The following BTF3L4 variants were observed in gnomAD, a reference collection of about 807,000 sequenced individuals.
BTF3L4 encodes transcription factor BTF3 homolog 4.
BTF3L4 carries 6 observed loss-of-function variants against 16.8 expected under a neutral mutation model. That is an observed-to-expected ratio of 0.36 (90% confidence interval 0.20 to 0.71). BTF3L4 has a LOEUF of 0.71. Among genes scored for constraint, BTF3L4 ranks in the 30% least tolerant of loss-of-function variants. The pLI is 0.58. For missense variants in BTF3L4, 92 were observed against 186.9 expected (o/e 0.49, Z 2.96); for synonymous variants, 39 against 59.8 (o/e 0.65, Z 1.60).
intron 2 of BTF3L4, among the ~76,000 whole-genome samples, chr1:52,064,473 A>T (rs1223553238): frequency 6.6e-6 from 1 of 152,232 alleles, no homozygotes; most frequent in East Asian, 1.9e-4. Flanking sequence ...TTACTATAAG[A>T]AAAGATAATG....
intron 3 of BTF3L4, among the ~76,000 whole-genome samples, chr1:52,066,153 G>T (rs556835794): frequency 6.6e-6 from 1 of 152,126 alleles, no homozygotes; most frequent in Admixed American, 6.5e-5. Flanking sequence ...ACAACTACTT[G>T]TGATGTTACC....
In BTF3L4 at chr1:52,088,385, A is replaced by G. The variant is rs980459554; in HGVS notation, c.*1627A>G. 4.6e-5 allele frequency: 7 copies of G among 152,632 alleles called. No individual in the cohort carries two copies. The highest frequency in any genetic ancestry group is 1.7e-4 in the African/African-American group (7 of 41,442). The allele number at this position is 152,632 out of a possible 1,614,324, so 9.5% of individuals were successfully genotyped here. ...CTAAACAAAATAAAATAACAGTGCA[A>G]AAGAGGAGAATATTTCCTCTTGTGC... On this transcript the variant is annotated 3_prime_UTR_variant, in exon 6 of 6. Transcript: ENST00000313334.
Position 52,061,487 on chromosome 1 carries a change from C to CAA in BTF3L4, c.54+1604_54+1605dup, listed in dbSNP as rs1169709967. Among the ~76,000 whole-genome samples, 142 of 48,110 alleles carry CAA rather than the reference C, an allele frequency of 3.0e-3. 2 individuals carry two copies. Among genetic ancestry groups the CAA allele is most frequent in the African/African-American group, 6.8e-3 (98 of 14,412 alleles). The allele number at this position is 48,110 out of a possible 152,430, so 31.6% of individuals were successfully genotyped here. A position where few individuals can be genotyped will look rare whatever the true frequency, so the allele number is the denominator to read the frequency against. Reference sequence around the variant, plus strand: ...TGGGCAACAGAGCAAGACTCCGTCTCAAAAAAAAAAAAAAAAAAAGAAATA... The same window carrying CAA: ...TGGGCAACAGAGCAAGACTCCGTCTCAAAAAAAAAAAAAAAAAAAAAGAAATA... On this transcript the variant is annotated intron_variant, in intron 2 of 5. Coordinates refer to ENST00000313334, the MANE Select transcript of BTF3L4 (RefSeq NM_152265.5).
At chr1:52,084,639 A>C (rs1047866609) in intron 4 of BTF3L4, among the ~76,000 whole-genome samples, 1 of 151,984 alleles carries the variant, frequency 6.6e-6, no homozygotes, top group Non-Finnish European at 1.5e-5. Context: ...AAAAAATACA[A>C]AAATTAGCCA....
At position 52,090,286 on chromosome 1, in the gene BTF3L4, T is replaced by G. The variant is rs1018590078; in HGVS notation, c.*3528T>G. On this transcript the variant is annotated 3_prime_UTR_variant, in exon 6 of 6. Coordinates refer to ENST00000313334, the MANE Select transcript of BTF3L4 (RefSeq NM_152265.5). ...GATTTCTTAGAATCCCCTAAATTATTAAGGTGAAGGTAGAAGATGATTAAA... is the reference window on the plus strand; with the variant it reads ...GATTTCTTAGAATCCCCTAAATTATGAAGGTGAAGGTAGAAGATGATTAAA... 2 of 152,132 alleles carry G rather than the reference T, an allele frequency of 1.3e-5. No individual in the cohort carries two copies. The highest frequency in any genetic ancestry group is 1.3e-4 in the Admixed American group (2 of 15,260). The allele number at this position is 152,132 out of a possible 1,614,324, so 9.4% of individuals were successfully genotyped here. A position where few individuals can be genotyped will look rare whatever the true frequency, so the allele number is the denominator to read the frequency against.
intron 3 of BTF3L4, among the ~76,000 whole-genome samples, chr1:52,070,658 G>A (rs1220717249): frequency 1.3e-5 from 2 of 148,566 alleles, no homozygotes; most frequent in Non-Finnish European, 1.5e-5. Context: ...TTTGGTGGGG[G>A]GATGGTCTCA....
chr1:52,060,365 C>T, intron 2 of BTF3L4: 2 of 785,206 alleles, frequency 2.5e-6, no homozygotes, highest in South Asian at 1.8e-5. Flanking sequence ...CTGGATGTTA[C>T]CTACTTGTAC....
chr1:52,079,027 C>T (rs1422829990), intron 3 of BTF3L4, among the ~76,000 whole-genome samples: 2 of 152,048 alleles, frequency 1.3e-5, no homozygotes, highest in Non-Finnish European at 2.9e-5. Context: ...AGTGAAGTCT[C>T]GATATTAAAT....
intron 4 of BTF3L4, among the ~76,000 whole-genome samples, chr1:52,084,621 A>G (rs938900640): frequency 5.3e-5 from 8 of 151,872 alleles, no homozygotes; most frequent in African/African-American, 1.9e-4. Flanking sequence ...GTGAGACCCT[A>G]TCTGTACAAA....
At chr1:52,073,493 T>TACACACAC (rs142147737) in intron 3 of BTF3L4, among the ~76,000 whole-genome samples, 3,228 of 139,290 alleles carry the variant, frequency 0.023, 57 homozygotes, top group African/African-American at 0.032. Flanking sequence ...ATATGCTACA[T>TACACACAC]ACACACACAC....
Position 52,089,355 on chromosome 1 carries a change from G to A in BTF3L4, c.*2597G>A, listed in dbSNP as rs1234552194. The A allele has an allele frequency of 6.6e-6, 1 of 151,756 alleles. No individual in the cohort carries two copies. Among genetic ancestry groups the A allele is most frequent in the Non-Finnish European group, 1.5e-5 (1 of 67,962 alleles). The allele number at this position is 151,756 out of a possible 1,614,324, so 9.4% of individuals were successfully genotyped here. On this transcript the variant is annotated 3_prime_UTR_variant, in exon 6 of 6. Coordinates refer to ENST00000313334, the MANE Select transcript of BTF3L4 (RefSeq NM_152265.5). ...ATATTCTTTTTTGTTCTATATTTTT[G>A]TATCTTCCCCTTTCCTGAACAAAGC...
intron 1 of BTF3L4, among the ~76,000 whole-genome samples, chr1:52,056,699 G>C (rs1686368354): frequency 1.3e-5 from 2 of 152,362 alleles, no homozygotes; most frequent in African/African-American, 4.8e-5. Context: ...CAGCAGTGTT[G>C]TGTGCTTTGA....
At chr1:52,082,609 C>T (rs1472450739) in intron 3 of BTF3L4, among the ~76,000 whole-genome samples, 1 of 152,026 alleles carries the variant, frequency 6.6e-6, no homozygotes, top group Non-Finnish European at 1.5e-5. Flanking sequence ...GTGGCATGTG[C>T]CTCTCATCTC....
At chr1:52,058,720 G>T (rs1275588670) in intron 1 of BTF3L4, among the ~76,000 whole-genome samples, 1 of 152,054 alleles carries the variant, frequency 6.6e-6, no homozygotes, top group East Asian at 1.9e-4. Context: ...TCCTGCCTCA[G>T]CCTTCTGAGT....
rs548845825 is a variant in BTF3L4, at chr1:52,087,445, T to C, written c.*687T>C. ...TAGCTTGCTTCCTAAATGCCTTTTT[T>C]CCTCTCCTTTTGGTCTCCAAATGGC... is the stretch of plus-strand genomic sequence containing the variant. On this transcript the variant is annotated 3_prime_UTR_variant, in exon 6 of 6. Coordinates refer to ENST00000313334, the MANE Select transcript of BTF3L4 (RefSeq NM_152265.5). 2 of 152,344 alleles carry C rather than the reference T, an allele frequency of 1.3e-5. No homozygotes were observed. The highest frequency in any genetic ancestry group is 3.9e-4 in the East Asian group (2 of 5,182). 9.4% of individuals were successfully genotyped at this position (152,344 alleles called of 1,614,324 possible). A position where few individuals can be genotyped will look rare whatever the true frequency, so the allele number is the denominator to read the frequency against.
At chr1:52,069,117 C>T (rs553445261) in intron 3 of BTF3L4, among the ~76,000 whole-genome samples, 2 of 152,288 alleles carry the variant, frequency 1.3e-5, no homozygotes, top group Non-Finnish European at 2.9e-5. Context: ...GCCCTCCCCC[C>T]ATCCTGGTGT....
intron 3 of BTF3L4, among the ~76,000 whole-genome samples, chr1:52,075,435 T>C (rs1399471988): frequency 2.7e-5 from 4 of 150,356 alleles, no homozygotes; most frequent in South Asian, 2.1e-4. Context: ...GGCAAGAGAA[T>C]TGCTTGAACC....
chr1:52,056,958 C>T (rs1197291005), intron 1 of BTF3L4, among the ~76,000 whole-genome samples: 2 of 152,214 alleles, frequency 1.3e-5, no homozygotes, highest in African/African-American at 4.8e-5. Flanking sequence ...AACTTCCGTT[C>T]CCACATTCTT....
chr1:52,078,161 T>C (rs1686976978), intron 3 of BTF3L4, among the ~76,000 whole-genome samples: 1 of 150,728 alleles, frequency 6.6e-6, no homozygotes, highest in South Asian at 2.1e-4. Flanking sequence ...TCAGCAATCC[T>C]CCCACCTCAG....
Sources: gnomAD v4.1 joint callset for allele counts (sites outside exome capture counted in the v4.1 genomes callset) on GRCh38, gnomAD v4.1.1 for gene constraint, MANE v1.5 for transcripts, NCBI Gene and HGNC (gene_info 2026-07-23, HGNC 2026-07-21) for gene names.